The following NUP188 variants were observed in gnomAD, a reference collection of about 807,000 sequenced individuals.
NUP188 encodes the protein nucleoporin NUP188.
Under a neutral mutation model 223.0 loss-of-function variants are expected in NUP188, and 97 were observed. The observed-to-expected ratio is 0.43, with a 90% CI of 0.37 to 0.51. The LOEUF is 0.51. NUP188 is among the 20% of genes least tolerant of loss of function. The pLI, the probability that NUP188 is intolerant of heterozygous loss-of-function variation, is 0.00. For missense variants in NUP188, 1,947 were observed against 2,175.6 expected (o/e 0.89, Z 2.09); for synonymous variants, 869 against 828.0 (o/e 1.05, Z -0.85).
At position 128,986,679 on chromosome 9, in the gene NUP188, G is replaced by A; in HGVS notation, c.2197+1G>A. ...TCTCATGGAGTGAGGGAACAGATTG[G>A]TAAGGACAGCATGGGCAGGGAAGAC... On this transcript the variant is annotated splice_donor_variant, in intron 21 of 43. Coordinates refer to ENST00000372577, the MANE Select transcript of NUP188 (RefSeq NM_015354.3). LOFTEE classifies it high-confidence loss of function. The A allele has an allele frequency of 6.2e-7, 1 of 1,614,182 alleles. No homozygotes were observed. Among genetic ancestry groups the A allele is most frequent in the Non-Finnish European group, 8.5e-7 (1 of 1,180,034 alleles).
Position 128,979,293 on chromosome 9 carries a change from C to T in NUP188, c.1235C>T (p.Ala412Val), listed in dbSNP as rs763186315. The T allele has an allele frequency of 2.5e-6, 4 of 1,612,076 alleles. No homozygotes were observed. The highest frequency in any genetic ancestry group is 3.4e-6 in the Non-Finnish European group (4 of 1,178,668). ...DIIDTACEVLADPSLPELFWG... is the reference protein window; with the variant it reads ...DIIDTACEVLVDPSLPELFWG... ...ATTGATACAGCATGTGAAGTATTGG[C>T]CGACCCTTCTCTTCCGGAACTGTTC... is the stretch of plus-strand genomic sequence containing the variant. Residue 412 changes from alanine (A) to valine (V), a missense_variant, in exon 13 of 44, where the codon GCC becomes GTC. By Grantham distance (64) the Ala-to-Val change is moderately conservative. Coordinates refer to ENST00000372577, the MANE Select transcript of NUP188 (RefSeq NM_015354.3).
rs1842607689 is a variant in NUP188, at chr9:128,999,793, C to G, written c.3831C>G (p.Asp1277Glu). ...ACTGTTCTCGGTCCCGGCACAGGGA[C>G]CAGCGTGATGGGGTGAGACAGTGCC... ...TDDCSRSRHR[D>E]QRDGVCVLGL... The change falls in exon 34 of 44, where the codon GAC becomes GAG. Residue 1277 changes from aspartate (D) to glutamate (E), a missense_variant. Physicochemically the swap from Asp to Glu is conservative, Grantham distance 45. Around this residue, in one of 3 missense-constraint regions of NUP188, gnomAD observed 905 missense variants for 990.6 expected, o/e 0.91. Coordinates refer to ENST00000372577, the MANE Select transcript of NUP188 (RefSeq NM_015354.3). The G allele has an allele frequency of 6.2e-7, 1 of 1,614,060 alleles. No homozygotes were observed. The highest frequency in any genetic ancestry group is 1.3e-5 in the African/African-American group (1 of 74,930).
Position 128,970,764 on chromosome 9 carries a change from G to C in NUP188, c.919G>C (p.Asp307His). 2 of 1,614,010 alleles carry C rather than the reference G, an allele frequency of 1.2e-6. No individual in the cohort carries two copies. The highest frequency in any genetic ancestry group is 1.7e-6 in the Non-Finnish European group (2 of 1,179,920). Reference sequence around the variant, plus strand: ...TGTTTTCTTCTCTCACTAGGATATGGACTGTTTAATGTTGACCTTTGGGGA... The same window carrying C: ...TGTTTTCTTCTCTCACTAGGATATGCACTGTTTAATGTTGACCTTTGGGGA... Reference protein sequence around the residue: ...AQDGLICQDMDCLMLTFGDIP... With the variant: ...AQDGLICQDMHCLMLTFGDIP... Residue 307 changes from aspartate to histidine, a missense_variant, in exon 11 of 44, where the codon GAC becomes CAC. By Grantham distance (81) the Asp-to-His change is moderately conservative. Coordinates refer to ENST00000372577, the MANE Select transcript of NUP188 (RefSeq NM_015354.3).
rs1300136843 is a variant in NUP188, at chr9:128,999,154, A to G, written c.3516-18A>G. On this transcript the variant is annotated intron_variant, in intron 32 of 43. Coordinates refer to ENST00000372577, the MANE Select transcript of NUP188 (RefSeq NM_015354.3). ...AGGCATGAGCCACCACGCCTGGCCC[A>G]CCCAGTATTCTTTCTAGAGAGTTAG... 1 of 1,612,532 alleles carries G rather than the reference A, an allele frequency of 6.2e-7. No individual in the cohort carries two copies. Among genetic ancestry groups the G allele is most frequent in the Non-Finnish European group, 8.5e-7 (1 of 1,178,980 alleles).
At chr9:128,990,036 T>C (rs1002450048) in intron 24 of NUP188, 84 bp from the exon 25 acceptor site, 3 of 1,041,244 alleles carry the variant, frequency 2.9e-6, no homozygotes, top group Non-Finnish European at 3.0e-6. Flanking sequence ...ACATACACAC[T>C]GTGGGTCTTT....
At chr9:129,003,715 C>T (rs141423313) in intron 38 of NUP188, 95 of 509,162 alleles carry the variant, frequency 1.9e-4, no homozygotes, top group African/African-American at 1.2e-3. Context: ...CACTTGGGGC[C>T]GGGCATGGTG....
intron 2 of NUP188, among the ~76,000 whole-genome samples, chr9:128,951,103 G>A (rs973458701): frequency 1.3e-5 from 2 of 152,030 alleles, no homozygotes; most frequent in African/African-American, 4.8e-5. Context: ...CCTGAGGTCA[G>A]GAGTTCGTGA....
intron 33 of NUP188, 53 bp downstream of exon 33, chr9:128,999,370 A>ACAGCC: frequency 2.5e-6 from 4 of 1,596,080 alleles, no homozygotes; most frequent in Non-Finnish European, 3.4e-6. Context: ...ACTCCTGCTG[A>ACAGCC]CAGCCAGGCA....
intron 12 of NUP188, among the ~76,000 whole-genome samples, chr9:128,975,237 T>C (rs1842159817): frequency 6.7e-6 from 1 of 149,212 alleles, no homozygotes; most frequent in African/African-American, 2.5e-5. Flanking sequence ...TTTTTTTTTT[T>C]TTTTTTGAGA....
intron 8 of NUP188, among the ~76,000 whole-genome samples, chr9:128,967,003 A>C (rs1464736762): frequency 6.6e-6 from 1 of 152,048 alleles, no homozygotes; most frequent in African/African-American, 2.4e-5. Context: ...GATTAAAAAT[A>C]GGGAGGGTTT....
chr9:129,004,994 G>A (rs889481746), intron 38 of NUP188, 153 bp from the exon 39 acceptor site: 8 of 665,976 alleles, frequency 1.2e-5, no homozygotes, highest in South Asian at 6.9e-5. Flanking sequence ...GAGGGAAGGA[G>A]GGAGAGAAGG....
At chr9:128,998,880 G>A (rs534286794) in intron 32 of NUP188, among the ~76,000 whole-genome samples, 42 of 136,696 alleles carry the variant, frequency 3.1e-4, no homozygotes, top group African/African-American at 1.0e-3. Flanking sequence ...TTTTTGAGAC[G>A]GAGTCTCACT....
intron 37 of NUP188, 88 bp downstream of exon 37, chr9:129,003,063 G>C: frequency 6.9e-7 from 1 of 1,447,328 alleles, no homozygotes; most frequent in Admixed American, 2.1e-5. Context: ...GTGGAGCCTG[G>C]GCCTCAGTAG....
intron 25 of NUP188, among the ~76,000 whole-genome samples, chr9:128,991,513 AC>A (rs1842429611): frequency 6.6e-6 from 1 of 150,742 alleles, no homozygotes; most frequent in South Asian, 2.1e-4. Context: ...AGCCTGGGCG[AC>A]AGAGTGAGAC....
At chr9:128,981,096 T>C (rs1033742446) in intron 14 of NUP188, among the ~76,000 whole-genome samples, 168 bp from the exon 15 acceptor site, 1 of 151,974 alleles carries the variant, frequency 6.6e-6, no homozygotes, top group Admixed American at 6.6e-5. Flanking sequence ...TTGAGTTGAG[T>C]GTTAAAGCCC....
chr9:128,952,268 G>C (rs553885153), intron 2 of NUP188, among the ~76,000 whole-genome samples: 1 of 152,024 alleles, frequency 6.6e-6, no homozygotes, highest in African/African-American at 2.4e-5. Context: ...GCATGGTGGC[G>C]TGCGCCTGTA....
At chr9:128,999,377 G>C (rs1842595536) in intron 33 of NUP188, 60 bp downstream of exon 33, 2 of 1,590,448 alleles carry the variant, frequency 1.3e-6, no homozygotes, top group Non-Finnish European at 1.7e-6. Context: ...CTGACAGCCA[G>C]GCAGGGCTTC....
At chr9:128,957,565 C>T (rs1841888784) in intron 5 of NUP188, among the ~76,000 whole-genome samples, 2 of 151,896 alleles carry the variant, frequency 1.3e-5, no homozygotes, top group African/African-American at 4.8e-5. Flanking sequence ...CCCGGGTTCA[C>T]GCCATTCTCC....
rs770064139 is a variant in NUP188, at chr9:128,988,040, A to G, written c.2394-7A>G. 1.9e-6 allele frequency: 3 copies of G among 1,613,696 alleles called. No homozygotes were observed. Among genetic ancestry groups the G allele is most frequent in the Non-Finnish European group, 2.5e-6 (3 of 1,179,846 alleles). ...GAATCATCTTTGGTTTCCATTTGGC[A>G]CCCTAGTGATGGGGCAGAGGGCCAG... On this transcript the variant is annotated splice_region_variant and splice_polypyrimidine_tract_variant and intron_variant, in intron 23 of 43. Coordinates refer to ENST00000372577, the MANE Select transcript of NUP188 (RefSeq NM_015354.3).
Sources: allele counts gnomAD v4.1 joint callset (sites outside exome capture counted in the v4.1 genomes callset), GRCh38; gene constraint gnomAD v4.1.1; regional missense constraint gnomAD v4.1.1; transcripts MANE v1.5; gene names NCBI Gene and HGNC (gene_info 2026-07-23, HGNC 2026-07-21).